DPP8: variants seen among roughly 807,000 people sequenced by gnomAD.
The protein encoded by DPP8 is DPP VIII.
In DPP8, 31 loss-of-function variants were observed where a neutral mutation model predicts 107.5. The observed-to-expected ratio is 0.29, with a 90% CI of 0.22 to 0.39. DPP8 has a LOEUF of 0.39. Ranked by LOEUF, DPP8 falls within the 10% of genes least tolerant of loss-of-function variation. The pLI is 1.00. For missense variants in DPP8, 842 were observed against 1,076.1 expected (o/e 0.78, Z 3.04); for synonymous variants, 381 against 356.6 (o/e 1.07, Z -0.77).
chr15:65,475,278 A>C (rs1398407001), intron 11 of DPP8: 9 of 641,998 alleles, frequency 1.4e-5, no homozygotes, highest in Non-Finnish European at 1.7e-5. Context: ...AGAGAGACCC[A>C]AATACCTCTA....
At chr15:65,482,034 A>G (rs190558829) in intron 8 of DPP8, among the ~76,000 whole-genome samples, 25 of 150,180 alleles carry the variant, frequency 1.7e-4, no homozygotes, top group East Asian at 5.8e-4. Flanking sequence ...GTGTGTGTGT[A>G]TATATATATA....
chr15:65,473,447 G>A (rs2066100909), intron 12 of DPP8, among the ~76,000 whole-genome samples: 1 of 152,066 alleles, frequency 6.6e-6, no homozygotes, highest in South Asian at 2.1e-4. Context: ...ATAGTTAGGT[G>A]TAGTAGGTGT....
intron 5 of DPP8, among the ~76,000 whole-genome samples, chr15:65,494,558 A>G (rs1389850805): frequency 1.4e-5 from 2 of 146,450 alleles, no homozygotes; most frequent in African/African-American, 5.0e-5. Context: ...CTGTTGTCTC[A>G]GCTATTCAGG....
At chr15:65,452,236 T>C (rs548855926) in intron 17 of DPP8, 134 bp from the exon 18 acceptor site, 3 of 961,738 alleles carry the variant, frequency 3.1e-6, no homozygotes, top group Admixed American at 3.4e-5. Flanking sequence ...ATACATGTCT[T>C]AGGCAACTCA....
chr15:65,468,260 C>G (rs1156533767), intron 12 of DPP8, among the ~76,000 whole-genome samples: 1 of 151,962 alleles, frequency 6.6e-6, no homozygotes, highest in Non-Finnish European at 1.5e-5. Flanking sequence ...TTTGGGAGGC[C>G]GAAGTGAGAG....
intron 11 of DPP8, among the ~76,000 whole-genome samples, chr15:65,477,369 T>C (rs2066485495): frequency 6.6e-6 from 1 of 151,826 alleles, no homozygotes; most frequent in South Asian, 2.1e-4. Context: ...CATTCCAGCC[T>C]GGGTGACAAG....
intron 4 of DPP8, among the ~76,000 whole-genome samples, chr15:65,499,438 A>T (rs1006464672): frequency 6.6e-5 from 10 of 151,932 alleles, no homozygotes; most frequent in African/African-American, 2.4e-4. Flanking sequence ...GGCCAGACTG[A>T]TCTCAAACTC....
chr15:65,486,992 T>C (rs965469740), intron 7 of DPP8, among the ~76,000 whole-genome samples: 3 of 149,058 alleles, frequency 2.0e-5, no homozygotes, highest in Non-Finnish European at 4.5e-5. Flanking sequence ...AAATTTAAAA[T>C]AAAAAAAAGG....
In DPP8 at chr15:65,514,857, G is replaced by A. The variant is rs568352485; in HGVS notation, c.-11-2293C>T. Among the ~76,000 whole-genome samples the A allele has an allele frequency of 2.6e-5, 4 of 152,142 alleles. No homozygotes were observed. The East Asian group carries it at 7.7e-4, about 29-fold the overall frequency. On this transcript the variant is annotated intron_variant, in intron 1 of 19. Coordinates refer to ENST00000300141, the MANE Select transcript of DPP8 (RefSeq NM_130434.5). ...ACAGACTGAGGGACAAATGAGAAAA[G>A]AACCTATACAAACTGGGCTCATTTT...
At position 65,451,015 on chromosome 15, in the gene DPP8, T is replaced by G. The variant is rs2063934807; in HGVS notation, c.2510A>C (p.Lys837Thr). The G allele has an allele frequency of 1.3e-6, 2 of 1,593,708 alleles. No homozygotes were observed. The highest frequency in any genetic ancestry group is 1.7e-6 in the Non-Finnish European group (2 of 1,163,122). Residue 837 changes from lysine to threonine, a missense_variant, in exon 19 of 20, where the codon AAG becomes ACG. Physicochemically the swap from Lys to Thr is moderately conservative, Grantham distance 78. Around this residue, in one of 2 missense-constraint regions of DPP8, gnomAD observed 179 missense variants for 318.0 expected, o/e 0.56. Transcript: ENST00000300141. ...ILLSFLVRAG[K>T]PYDLQIYPQE... The stretch of plus-strand genomic sequence containing the variant: ...GTAACTCACCTGTAAATCATATGGC[T>G]TTCCAGCCCTCACTAAAAAACTCAG...
intron 15 of DPP8, among the ~76,000 whole-genome samples, chr15:65,460,415 C>G (rs748936560): frequency 9.2e-5 from 14 of 152,116 alleles, no homozygotes; most frequent in Non-Finnish European, 7.3e-5. Context: ...TGCATTATAG[C>G]CTGGAAGACA....
chr15:65,462,166 G>A (rs1394835057), intron 15 of DPP8, among the ~76,000 whole-genome samples: 14 of 150,266 alleles, frequency 9.3e-5, no homozygotes, highest in Non-Finnish European at 1.5e-4. Context: ...ACAAGGTTTC[G>A]CCATGTTGGC....
Position 65,478,908 on chromosome 15 carries a change from T to C in DPP8, c.1428A>G (p.Lys476=). 6.3e-7 allele frequency: 1 copy of C among 1,584,206 alleles called. No individual in the cohort carries two copies. The highest frequency in any genetic ancestry group is 8.5e-7 in the Non-Finnish European group (1 of 1,170,036). Residue 476 remains lysine (K), a synonymous_variant, in exon 11 of 20, where the codon AAA becomes AAG. Transcript: ENST00000300141. The part of the protein sequence containing the change: ...ITSILKESKY[K]RSSGGLPAPS... ...GAGCAGGCAGCCCACCACTGGATCG[T>C]TTATATTTGCTTTCCTTTAAAATAG...
At chr15:65,513,050 T>A (rs182474906) in intron 1 of DPP8, among the ~76,000 whole-genome samples, 29 of 152,326 alleles carry the variant, frequency 1.9e-4, no homozygotes, top group African/African-American at 6.7e-4. Context: ...GGTAATAAAA[T>A]TGTCAAAAAT....
At chr15:65,494,907 T>C (rs1460179628) in intron 5 of DPP8, among the ~76,000 whole-genome samples, 1 of 152,144 alleles carries the variant, frequency 6.6e-6, no homozygotes, top group Non-Finnish European at 1.5e-5. Flanking sequence ...GGTGTTCCTG[T>C]CTCTACCCAT....
chr15:65,493,908 A>G (rs1222194831), intron 5 of DPP8, among the ~76,000 whole-genome samples: 3 of 152,070 alleles, frequency 2.0e-5, no homozygotes, highest in Non-Finnish European at 4.4e-5. Flanking sequence ...AGCTGATGAC[A>G]TTAACTCCCT....
chr15:65,491,849 C>T (rs1211163101), intron 5 of DPP8, among the ~76,000 whole-genome samples: 1 of 152,172 alleles, frequency 6.6e-6, no homozygotes, highest in East Asian at 1.9e-4. Context: ...TCTCCTGCCT[C>T]AGCCTCCCAA....
chr15:65,510,585 C>A (rs1438072741), intron 2 of DPP8, among the ~76,000 whole-genome samples: 1 of 151,960 alleles, frequency 6.6e-6, no homozygotes, highest in East Asian at 1.9e-4. Flanking sequence ...GTCATCCAGG[C>A]TGGAGTGCAG....
intron 9 of DPP8, among the ~76,000 whole-genome samples, chr15:65,481,098 T>C (rs2066889708): frequency 6.6e-6 from 1 of 151,824 alleles, no homozygotes; most frequent in Non-Finnish European, 1.5e-5. Flanking sequence ...AAAAAAAAGT[T>C]TTCTCCCTTT....
Sources: gnomAD v4.1 joint callset for allele counts (sites outside exome capture counted in the v4.1 genomes callset) on GRCh38, gnomAD v4.1.1 for gene constraint, gnomAD v4.1.1 regional missense constraint, MANE v1.5 for transcripts, NCBI Gene and HGNC (gene_info 2026-07-23, HGNC 2026-07-21) for gene names.